Variants in SCFD1 observed in about 807,000 individuals in gnomAD.
SCFD1 encodes the protein sec1 family domain containing 1, also known as sec1 family domain-containing protein 1.
In SCFD1, 37 loss-of-function variants were observed where a neutral mutation model predicts 103.2. The observed-to-expected ratio is 0.36, with a 90% CI of 0.28 to 0.47. The LOEUF is 0.47. Ranked by LOEUF, SCFD1 falls within the 20% of genes least tolerant of loss-of-function variation. The pLI is 1.00. For missense variants in SCFD1, 639 were observed against 761.2 expected (o/e 0.84, Z 1.89); for synonymous variants, 264 against 245.0 (o/e 1.08, Z -0.73).
At chr14:30,653,222 G>A (rs940563298) in intron 9 of SCFD1, among the ~76,000 whole-genome samples, 1 of 152,052 alleles carries the variant, frequency 6.6e-6, no homozygotes, top group Non-Finnish European at 1.5e-5. Flanking sequence ...GATTGCTTGA[G>A]CCCAGGAGTT....
chr14:30,694,675 TA>T, intron 14 of SCFD1, 97 bp from the exon 15 acceptor site: 3 of 1,411,298 alleles, frequency 2.1e-6, no homozygotes, highest in Non-Finnish European at 2.8e-6. Flanking sequence ...GAACATATCT[TA>T]AAATTGATCA....
intron 14 of SCFD1, 25 bp downstream of exon 14, chr14:30,675,090 C>T (rs1888914802): frequency 7.6e-7 from 1 of 1,309,328 alleles, no homozygotes; most frequent in Admixed American, 2.1e-5. Flanking sequence ...TTCCCCCCCA[C>T]AATATGACTT....
At chr14:30,630,101 CTATT>C (rs1357714999) in intron 2 of SCFD1, among the ~76,000 whole-genome samples, 2 of 151,960 alleles carry the variant, frequency 1.3e-5, no homozygotes, top group Admixed American at 6.6e-5. Flanking sequence ...TTTATAGTCT[CTATT>C]TTTTTAAAAC....
intron 24 of SCFD1, chr14:30,735,113 A>G (rs1240076960): frequency 7.7e-6 from 3 of 387,554 alleles, no homozygotes; most frequent in East Asian, 4.2e-5. Flanking sequence ...TAGAAATACA[A>G]AAATATATGA....
intron 10 of SCFD1, among the ~76,000 whole-genome samples, chr14:30,668,922 G>C (rs1880784731): frequency 1.3e-5 from 2 of 152,170 alleles, no homozygotes; most frequent in South Asian, 4.1e-4. Context: ...AGAGGCTGTG[G>C]AGAAATAGGA....
At chr14:30,631,223 C>T (rs752495741) in intron 3 of SCFD1, among the ~76,000 whole-genome samples, 357 of 152,114 alleles carry the variant, frequency 2.3e-3, no homozygotes, top group Admixed American at 3.9e-3. Flanking sequence ...GGCATGGTGG[C>T]AGGCACCTGT....
intron 22 of SCFD1, 38 bp from the exon 23 acceptor site, chr14:30,722,452 TAAAA>T (rs1477058897): frequency 6.8e-7 from 1 of 1,462,224 alleles, no homozygotes; most frequent in Non-Finnish European, 9.4e-7. Flanking sequence ...GGTTTCAGAC[TAAAA>T]ACTGTGTTTT....
intron 23 of SCFD1, among the ~76,000 whole-genome samples, chr14:30,729,867 G>A (rs1893314603): frequency 6.8e-6 from 1 of 146,574 alleles, no homozygotes; most frequent in Non-Finnish European, 1.5e-5. Context: ...GTTACGAAAG[G>A]CATTTTTTTT....
At chr14:30,679,881 C>G (rs576725894) in intron 14 of SCFD1, among the ~76,000 whole-genome samples, 1 of 152,186 alleles carries the variant, frequency 6.6e-6, no homozygotes, top group African/African-American at 2.4e-5. Flanking sequence ...TTCTTTAAGA[C>G]AGAGGAAAAA....
At chr14:30,628,981 A>T (rs546854916) in intron 2 of SCFD1, among the ~76,000 whole-genome samples, 1 of 152,212 alleles carries the variant, frequency 6.6e-6, no homozygotes, top group Non-Finnish European at 1.5e-5. Context: ...AAAAGTAGTT[A>T]AAGTTGTCTG....
chr14:30,733,465 T>G (rs1893626045), intron 23 of SCFD1, among the ~76,000 whole-genome samples: 1 of 152,174 alleles, frequency 6.6e-6, no homozygotes, highest in Admixed American at 6.5e-5. Flanking sequence ...TAGAAAAGAA[T>G]GATGATGAGT....
intron 14 of SCFD1, among the ~76,000 whole-genome samples, chr14:30,681,342 C>T (rs1889462354): frequency 6.6e-6 from 1 of 151,952 alleles, no homozygotes; most frequent in South Asian, 2.1e-4. Flanking sequence ...AAGCAGTTTT[C>T]AGTATTTCGT....
Position 30,650,990 on chromosome 14 carries a change from A to G in SCFD1, c.755+340A>G, listed in dbSNP as rs117492123. 2.7e-4 allele frequency among the ~76,000 whole-genome samples: 41 copies of G among 152,112 alleles called. 2 individuals are homozygous for G. In the East Asian group the frequency reaches 6.8e-3, roughly 25 times the overall value. ...ACTTGTGATACTTATATCTGTTTCT[A>G]CCTTTATTAATCTGATTTCCATTTT... On this transcript the variant is annotated intron_variant, in intron 9 of 24. Coordinates refer to ENST00000458591, the MANE Select transcript of SCFD1 (RefSeq NM_016106.4).
rs34426823 is a variant in SCFD1, at chr14:30,679,228, A to ATT, written c.1242+4175_1242+4176dup. Among the ~76,000 whole-genome samples the ATT allele has an allele frequency of 5.3e-4, 76 of 143,386 alleles. 1 individual carries two copies. In the East Asian group the frequency reaches 9.1e-3, roughly 17 times the overall value. The allele number at this position is 143,386 out of a possible 152,430, so 94.1% of individuals were successfully genotyped here. A position where few individuals can be genotyped will look rare whatever the true frequency, so the allele number is the denominator to read the frequency against. ...TGCCTTTTTCTGCTCTCATGATTGG[A>ATT]TTTTTTTTTTTTTGCTTACTAATGA... On this transcript the variant is annotated intron_variant, in intron 14 of 24. Coordinates refer to ENST00000458591, the MANE Select transcript of SCFD1 (RefSeq NM_016106.4).
At chr14:30,635,007 G>A (rs1366005130) in intron 4 of SCFD1, 2 of 455,294 alleles carry the variant, frequency 4.4e-6, no homozygotes, top group South Asian at 3.1e-5. Flanking sequence ...TTTTAGCAAG[G>A]AAAAGGAGAA....
intron 9 of SCFD1, among the ~76,000 whole-genome samples, chr14:30,652,032 G>A (rs768173346): frequency 3.3e-5 from 5 of 152,150 alleles, no homozygotes; most frequent in Non-Finnish European, 5.9e-5. Context: ...AAGAAACCCT[G>A]CGGTAGGCCA....
At chr14:30,627,000 G>A (rs1379947129) in intron 1 of SCFD1, among the ~76,000 whole-genome samples, 2 of 152,168 alleles carry the variant, frequency 1.3e-5, no homozygotes, top group East Asian at 1.9e-4. Flanking sequence ...TTGGAGTATA[G>A]GTTATTCTGT....
chr14:30,708,842 A>G (rs907017265), intron 19 of SCFD1, among the ~76,000 whole-genome samples: 21 of 152,274 alleles, frequency 1.4e-4, no homozygotes, highest in African/African-American at 5.1e-4. Flanking sequence ...TATATAGGAC[A>G]CTTTTAAATG....
intron 5 of SCFD1, 117 bp downstream of exon 5, chr14:30,638,364 A>C: frequency 2.8e-6 from 4 of 1,408,348 alleles, no homozygotes; most frequent in Non-Finnish European, 3.9e-6. Flanking sequence ...AGAATTGTTT[A>C]GGCTCAATAC....
Sources: allele counts gnomAD v4.1 joint callset (sites outside exome capture counted in the v4.1 genomes callset), GRCh38; gene constraint gnomAD v4.1.1; transcripts MANE v1.5; gene names NCBI Gene and HGNC (gene_info 2026-07-23, HGNC 2026-07-21).